The following NIN variants were observed in gnomAD, a reference collection of about 807,000 sequenced individuals.
NIN encodes the protein glycogen synthase kinase 3 beta-interacting protein.
A neutral mutation model predicts 257.6 loss-of-function variants in NIN; 137 were observed. The observed-to-expected ratio is 0.53, with a 90% confidence interval of 0.46 to 0.61. The LOEUF (loss-of-function observed/expected upper bound fraction) is 0.61, where lower values mean the gene tolerates loss of function less well. Ranked by LOEUF, NIN falls within the 20% of genes least tolerant of loss-of-function variation. The pLI, the probability that NIN is intolerant of heterozygous loss-of-function variation, is 0.00. For missense variants in NIN, 2,439 were observed against 2,501.2 expected, an observed-to-expected ratio of 0.98 and a Z score of 0.53; for synonymous variants, 918 against 919.8, an observed-to-expected ratio of 1.00 and a Z score of 0.04.
At chr14:50,787,491 G>C (rs2043397125) in intron 5 of NIN, among the ~76,000 whole-genome samples, 1 of 152,184 alleles carries the variant, frequency 6.6e-6, no homozygotes, top group Non-Finnish European at 1.5e-5. Flanking sequence ...AGCAAAAACA[G>C]TGACAACCAA....
rs899745547 is a variant in NIN, at chr14:50,746,064, G to A, written c.5065-1699C>T. Among the ~76,000 whole-genome samples, 9 of 145,890 alleles carry A rather than the reference G, an allele frequency of 6.2e-5. No individual in the cohort carries two copies. In the East Asian group the frequency reaches 1.4e-3, roughly 23 times the overall value. ...AAAAAAAAAAAAAAGCAATAAAAAC[G>A]TGCTGAATGACATCCCCATCATGTT... is the stretch of plus-strand genomic sequence containing the variant. On this transcript the variant is annotated intron_variant, in intron 22 of 30. Transcript: ENST00000530997.
intron 29 of NIN, among the ~76,000 whole-genome samples, 187 bp downstream of exon 29, chr14:50,729,334 ATC>A (rs2040574139): frequency 1.3e-5 from 2 of 151,506 alleles, no homozygotes; most frequent in Non-Finnish European, 2.9e-5. Context: ...CACACACATG[ATC>A]GTAGCTCACT....
Position 50,723,037 on chromosome 14 carries a change from A to T in NIN, c.*426T>A, listed in dbSNP as rs1035086217. On this transcript the variant is annotated 3_prime_UTR_variant, in exon 31 of 31. Coordinates refer to ENST00000530997, the MANE Select transcript of NIN (RefSeq NM_020921.4). ...TATAATGACTTTCCAGTATTTAAAT[A>T]TGTAAGAACACCTAAATTTGGTTTT... The T allele has an allele frequency of 4.7e-6, 1 of 213,392 alleles. No homozygotes were observed. The highest frequency in any genetic ancestry group is 2.3e-5 in the African/African-American group (1 of 44,028). 13.2% of individuals were successfully genotyped at this position (213,392 alleles called of 1,614,324 possible). A position where few individuals can be genotyped will look rare whatever the true frequency, so the allele number is the denominator to read the frequency against.
At chr14:50,797,238 A>G (rs892115915) in intron 4 of NIN, among the ~76,000 whole-genome samples, 4 of 152,228 alleles carry the variant, frequency 2.6e-5, no homozygotes, top group African/African-American at 9.6e-5. Flanking sequence ...TTGAATCAAA[A>G]AATTCCCTGT....
At chr14:50,811,875 T>C (rs796109209) in intron 3 of NIN, among the ~76,000 whole-genome samples, 45 of 151,658 alleles carry the variant, frequency 3.0e-4, no homozygotes, top group African/African-American at 1.0e-3. Flanking sequence ...GCGCCTGTAG[T>C]CCCAGCTACT....
At chr14:50,817,340 C>A (rs1201843871) in intron 3 of NIN, among the ~76,000 whole-genome samples, 1 of 152,136 alleles carries the variant, frequency 6.6e-6, no homozygotes, top group African/African-American at 2.4e-5. Context: ...ATTTACACTT[C>A]AAATGATTAA....
intron 18 of NIN, among the ~76,000 whole-genome samples, chr14:50,755,675 TTTTAA>T (rs2041994129): frequency 2.6e-5 from 2 of 76,162 alleles, no homozygotes; most frequent in Admixed American, 1.4e-4. Context: ...TTTTTTTTTT[TTTTAA>T]AAGAGACAGG....
At chr14:50,727,617 G>A in intron 29 of NIN, 2 of 1,440,118 alleles carry the variant, frequency 1.4e-6, no homozygotes, top group Non-Finnish European at 1.9e-6. Flanking sequence ...CTCTGTGTGT[G>A]GTGTGTGTGC....
rs1595790421 is a variant in NIN, at chr14:50,758,410, C to T, written c.2620G>A (p.Glu874Lys). The change falls in exon 18 of 31, where the codon GAG becomes AAG. Residue 874 changes from glutamate to lysine, a missense_variant. By Grantham distance (56) the Glu-to-Lys change is moderately conservative. Coordinates refer to ENST00000530997, the MANE Select transcript of NIN (RefSeq NM_020921.4). ...CTCTTAAGAGTCTCTTTCAGCAGCT[C>T]CTGGGCTTCCGCACACTCCTGGGTG... ...ELTQECAEAQ[E>K]LLKETLKREK... 6.2e-7 allele frequency: 1 copy of T among 1,614,018 alleles called. No homozygotes were observed. The highest frequency in any genetic ancestry group is 2.2e-5 in the East Asian group (1 of 44,884).
In NIN at chr14:50,758,081, C is replaced by T; in HGVS notation, c.2949G>A (p.Met983Ile). 1 of 1,614,138 alleles carries T rather than the reference C, an allele frequency of 6.2e-7. No homozygotes were observed. The highest frequency in any genetic ancestry group is 8.5e-7 in the Non-Finnish European group (1 of 1,180,012). ...TCTCCATGGCTAGAAGCTTGGACAT[C>T]ATTTCCTGCCTTTCCTGGTCATGTT... ...EMEHDQERQEMMSKLLAMENI... is the reference protein window; with the variant it reads ...EMEHDQERQEIMSKLLAMENI... The change falls in exon 18 of 31, where the codon ATG (methionine) becomes ATA (isoleucine). Residue 983 changes from methionine to isoleucine, a missense_variant. Physicochemically the swap from Met to Ile is conservative, Grantham distance 10 (BLOSUM62 1). Transcript: ENST00000530997.
intron 4 of NIN, chr14:50,806,046 G>A (rs2044310925): frequency 6.6e-6 from 1 of 152,250 alleles, no homozygotes; most frequent in African/African-American, 2.4e-5. Context: ...ACTCTGAAAT[G>A]AGAATTTACA....
In NIN at chr14:50,722,226, G is replaced by C. The variant is rs995643911; in HGVS notation, c.*1237C>G. On this transcript the variant is annotated 3_prime_UTR_variant, in exon 31 of 31. Transcript: ENST00000530997. Reference sequence around the variant, plus strand: ...TATAAAGTTTTGATCTTGAGCATGAGTGGAAAGTCCTATTTGGCACTCCTT... The same window carrying C: ...TATAAAGTTTTGATCTTGAGCATGACTGGAAAGTCCTATTTGGCACTCCTT... 1.3e-5 allele frequency: 3 copies of C among 225,346 alleles called. No homozygotes were observed. Among genetic ancestry groups the C allele is most frequent in the Admixed American group, 5.7e-5 (1 of 17,522 alleles). The allele number at this position is 225,346 out of a possible 1,614,324, so 14.0% of individuals were successfully genotyped here. A position where few individuals can be genotyped will look rare whatever the true frequency, so the allele number is the denominator to read the frequency against.
intron 26 of NIN, among the ~76,000 whole-genome samples, chr14:50,738,926 G>T (rs1455808894): frequency 1.3e-5 from 2 of 152,090 alleles, no homozygotes; most frequent in Non-Finnish European, 2.9e-5. Flanking sequence ...TCTTTTAAAG[G>T]AGGCACCTTT....
chr14:50,803,559 T>C (rs182101837), intron 4 of NIN, among the ~76,000 whole-genome samples: 15 of 152,252 alleles, frequency 9.9e-5, no homozygotes, highest in Admixed American at 7.2e-4. Context: ...GCTCACCCAT[T>C]TGAAAGCTAA....
intron 4 of NIN, among the ~76,000 whole-genome samples, chr14:50,793,279 C>A (rs1038460065): frequency 6.6e-6 from 1 of 151,882 alleles, no homozygotes; most frequent in African/African-American, 2.4e-5. Context: ...AATGGTAATA[C>A]AACAGACACC....
At chr14:50,809,955 G>C (rs2044505752) in intron 3 of NIN, among the ~76,000 whole-genome samples, 1 of 152,164 alleles carries the variant, frequency 6.6e-6, no homozygotes, top group Non-Finnish European at 1.5e-5. Flanking sequence ...TCATCCTGTA[G>C]AAAATGCTAC....
At chr14:50,727,445 TAAATA>T in intron 29 of NIN, 1 of 1,168,172 alleles carries the variant, frequency 8.6e-7, no homozygotes. Flanking sequence ...TTAAAGGGTA[TAAATA>T]AAATGATTTG....
At chr14:50,828,132 A>G (rs1287766006) in intron 2 of NIN, among the ~76,000 whole-genome samples, 1 of 152,068 alleles carries the variant, frequency 6.6e-6, no homozygotes, top group African/African-American at 2.4e-5. Context: ...AAAGCTTATA[A>G]CAACTTCCAC....
chr14:50,789,089 TC>T (rs2043466647), intron 5 of NIN, among the ~76,000 whole-genome samples: 1 of 152,090 alleles, frequency 6.6e-6, no homozygotes, highest in African/African-American at 2.4e-5. Flanking sequence ...TGGCTCCAGA[TC>T]CCCATCTTAT....
Sources: allele counts gnomAD v4.1 joint callset (sites outside exome capture counted in the v4.1 genomes callset), GRCh38; gene constraint gnomAD v4.1.1; transcripts MANE v1.5; gene names NCBI Gene and HGNC (gene_info 2026-07-23, HGNC 2026-07-21).